The following LINGO2 variants were observed in gnomAD, a reference collection of about 807,000 sequenced individuals.
LINGO2 encodes leucine rich repeat and Ig domain containing 2.
In LINGO2, 14 loss-of-function variants were observed where a neutral mutation model predicts 30.6. The ratio of observed to expected loss-of-function variants is 0.46; its 90% CI spans 0.30 to 0.72. The LOEUF is 0.72. LINGO2 is among the 30% of genes least tolerant of loss of function. LINGO2 has a pLI of 0.07. For missense variants in LINGO2, 729 were observed against 751.7 expected (o/e 0.97, Z 0.35); for synonymous variants, 317 against 288.5 (o/e 1.10, Z -1.00).
chr9:28,157,736 G>A (rs1023816203), intron 4 of LINGO2, among the ~76,000 whole-genome samples: 1 of 152,132 alleles, frequency 6.6e-6, no homozygotes, highest in African/African-American at 2.4e-5. Flanking sequence ...TCTTCCAAGA[G>A]ATACCCTAAA....
At chr9:28,367,518 A>G (rs1250556763) in intron 3 of LINGO2, among the ~76,000 whole-genome samples, 1 of 148,732 alleles carries the variant, frequency 6.7e-6, no homozygotes, top group Non-Finnish European at 1.5e-5. Flanking sequence ...CCTGGGGGCC[A>G]TTTTCTCTTC....
the LINGO2 span, among the ~76,000 whole-genome samples, chr9:28,678,505 T>C: frequency 1.7e-4 from 26 of 152,174 alleles, no homozygotes; most frequent in Admixed American, 1.7e-3. Flanking sequence ...GCAAGATTTA[T>C]ATCCAGACTT....
chr9:28,162,036 C>A (rs566277889), intron 4 of LINGO2, among the ~76,000 whole-genome samples: 1 of 152,196 alleles, frequency 6.6e-6, no homozygotes, highest in South Asian at 2.1e-4. Context: ...TTCAAAATTT[C>A]TTTGAAATTT....
chr9:29,111,967 T>C, the LINGO2 span, among the ~76,000 whole-genome samples: 1 of 97,724 alleles, frequency 1.0e-5, no homozygotes, highest in Non-Finnish European at 2.3e-5. Flanking sequence ...ATAAAAGCAA[T>C]TTATGTTAAT....
intron 1 of LINGO2, among the ~76,000 whole-genome samples, chr9:28,632,863 T>G (rs1827051118): frequency 9.3e-6 from 1 of 107,214 alleles, no homozygotes; most frequent in African/African-American, 4.0e-5. Flanking sequence ...TTTTTATATA[T>G]ATATATATAT....
intron 5 of LINGO2, among the ~76,000 whole-genome samples, chr9:27,971,718 TA>T (rs940625675): frequency 3.3e-5 from 5 of 152,140 alleles, no homozygotes; most frequent in Non-Finnish European, 7.4e-5. Flanking sequence ...AAGTGATCGT[TA>T]TTATCAAAAT....
At chr9:27,986,740 G>C (rs1043895464) in intron 5 of LINGO2, among the ~76,000 whole-genome samples, 1 of 151,812 alleles carries the variant, frequency 6.6e-6, no homozygotes, top group Admixed American at 6.6e-5. Flanking sequence ...GTTTCCTAAA[G>C]ATGTAGAGGT....
At chr9:29,190,708 G>C in the LINGO2 span, among the ~76,000 whole-genome samples, 3 of 152,046 alleles carry the variant, frequency 2.0e-5, no homozygotes, top group African/African-American at 7.2e-5. Flanking sequence ...CTTAAAAGTT[G>C]TTTATTTAAA....
At chr9:28,729,394 AAGAT>A in the LINGO2 span, among the ~76,000 whole-genome samples, 1 of 152,282 alleles carries the variant, frequency 6.6e-6, no homozygotes, top group East Asian at 1.9e-4. Context: ...TCTTACATGA[AAGAT>A]AGAAACCAGA....
At chr9:28,277,167 C>T (rs1823143969) in intron 4 of LINGO2, among the ~76,000 whole-genome samples, 1 of 152,172 alleles carries the variant, frequency 6.6e-6, no homozygotes, top group Admixed American at 6.5e-5. Flanking sequence ...TATGCCCTTG[C>T]ATTGTGTCTC....
At chr9:28,443,487 T>G (rs987534255) in intron 2 of LINGO2, among the ~76,000 whole-genome samples, 1 of 152,220 alleles carries the variant, frequency 6.6e-6, no homozygotes, top group Non-Finnish European at 1.5e-5. Flanking sequence ...ATCCTTGTGC[T>G]GTTGGGGCCC....
intron 1 of LINGO2, among the ~76,000 whole-genome samples, chr9:28,551,844 T>C: frequency 6.6e-6 from 1 of 152,064 alleles, no homozygotes; most frequent in East Asian, 1.9e-4. Flanking sequence ...GTCCTCAGCC[T>C]CTCATCATTA....
chr9:28,662,888 T>C (rs944509583), intron 1 of LINGO2, among the ~76,000 whole-genome samples: 10 of 152,160 alleles, frequency 6.6e-5, no homozygotes, highest in African/African-American at 2.4e-4. Flanking sequence ...TCCAACATTG[T>C]GAGTAAGCAA....
At chr9:27,995,584 T>C (rs1247468534) in intron 5 of LINGO2, among the ~76,000 whole-genome samples, 3 of 152,068 alleles carry the variant, frequency 2.0e-5, no homozygotes, top group African/African-American at 7.3e-5. Context: ...ATCACATTAG[T>C]AGAATCAAGG....
intron 1 of LINGO2, among the ~76,000 whole-genome samples, chr9:28,526,678 G>A (rs117886414): frequency 6.6e-6 from 1 of 152,210 alleles, no homozygotes; most frequent in Non-Finnish European, 1.5e-5. Context: ...CAGACCTTTT[G>A]GCCAAATGGA....
chr9:29,114,136 A>T, the LINGO2 span, among the ~76,000 whole-genome samples: 1 of 151,744 alleles, frequency 6.6e-6, no homozygotes, highest in Non-Finnish European at 1.5e-5. Flanking sequence ...ACCTTAAAAA[A>T]ATCTGTGAAT....
At chr9:28,186,959 T>A (rs1819562766) in intron 4 of LINGO2, among the ~76,000 whole-genome samples, 1 of 152,022 alleles carries the variant, frequency 6.6e-6, no homozygotes, top group East Asian at 1.9e-4. Flanking sequence ...AGGGTTTTGG[T>A]GCCAAAAAGT....
chr9:29,181,196 A>T, the LINGO2 span, among the ~76,000 whole-genome samples: 788 of 152,340 alleles, frequency 5.2e-3, 6 homozygotes, highest in African/African-American at 0.018. Flanking sequence ...CGTGACTTTG[A>T]ACAATTTATC....
chr9:28,139,127 A>G (rs1279078579), intron 4 of LINGO2, among the ~76,000 whole-genome samples: 1 of 152,166 alleles, frequency 6.6e-6, no homozygotes, highest in African/African-American at 2.4e-5. Flanking sequence ...TCTGCCAGTG[A>G]AGAGAGAGAG....
Sources: allele counts gnomAD v4.1 joint callset (sites outside exome capture counted in the v4.1 genomes callset), GRCh38; gene constraint gnomAD v4.1.1; transcripts MANE v1.5; gene names NCBI Gene and HGNC (gene_info 2026-07-23, HGNC 2026-07-21).